Variants in DNM3 observed in about 807,000 individuals in gnomAD.
DNM3 encodes dynamin 3.
Under a neutral mutation model 101.6 loss-of-function variants are expected in DNM3, and 47 were observed. That is an observed-to-expected ratio of 0.46 (90% confidence interval 0.37 to 0.59). The LOEUF is 0.59. DNM3 is among the 20% of genes least tolerant of loss of function. The pLI, the probability that DNM3 is intolerant of heterozygous loss-of-function variation, is 0.00. For synonymous variants in DNM3, 385 were observed against 387.9 expected (o/e 0.99, Z 0.09); for missense variants, 849 against 1,085.7 (o/e 0.78, Z 3.06).
intron 14 of DNM3, among the ~76,000 whole-genome samples, chr1:172,219,377 C>CAAAAAAA (rs58783160): frequency 6.9e-4 from 39 of 56,264 alleles, no homozygotes; most frequent in South Asian, 1.9e-3. Context: ...TACCCTGTCT[C>CAAAAAAA]AAAAAAAAAA....
intron 16 of DNM3, among the ~76,000 whole-genome samples, chr1:172,320,988 C>A (rs1364908048): frequency 6.6e-6 from 1 of 152,104 alleles, no homozygotes; most frequent in East Asian, 1.9e-4. Context: ...GTGTATTTTT[C>A]TTAAGAGATT....
At chr1:172,113,341 C>G (rs932703819) in intron 13 of DNM3, among the ~76,000 whole-genome samples, 2 of 152,124 alleles carry the variant, frequency 1.3e-5, no homozygotes, top group African/African-American at 4.8e-5. Context: ...CTATTATTAG[C>G]TCTTTCTGCC....
chr1:172,066,992 G>A (rs575414617), intron 10 of DNM3, among the ~76,000 whole-genome samples: 229 of 151,796 alleles, frequency 1.5e-3, no homozygotes, highest in Middle Eastern at 3.4e-3. Flanking sequence ...GTGTGTGCGC[G>A]CGTGCAAGAC....
At position 171,921,905 on chromosome 1, in the gene DNM3, A is replaced by G. The variant is rs187202830; in HGVS notation, c.235+84A>G. 2.9e-4 allele frequency: 375 copies of G among 1,293,640 alleles called. 2 individuals carry two copies. In the East Asian group the frequency reaches 7.3e-3, roughly 25 times the overall value. The allele number at this position is 1,293,640 out of a possible 1,614,324, so 80.1% of individuals were successfully genotyped here. A position where few individuals can be genotyped will look rare whatever the true frequency, so the allele number is the denominator to read the frequency against. ...CATAGGTGTGGGATTGTACAAATAG[A>G]AACGTTTTTGTGATCGCCCCACTGT... On this transcript the variant is annotated intron_variant, in intron 2 of 20. Coordinates refer to ENST00000627582, the MANE Select transcript of DNM3 (RefSeq NM_015569.5).
intron 2 of DNM3, among the ~76,000 whole-genome samples, chr1:171,924,747 T>C (rs1389790281): frequency 6.6e-6 from 1 of 152,220 alleles, no homozygotes; most frequent in African/African-American, 2.4e-5. Context: ...AACATATCAA[T>C]AGCCATTCTG....
intron 11 of DNM3, among the ~76,000 whole-genome samples, chr1:172,078,539 G>A (rs571515403): frequency 5.2e-4 from 79 of 151,294 alleles, no homozygotes; most frequent in African/African-American, 1.7e-3. Context: ...TGGGTCTCCC[G>A]AATTACAGCA....
intron 16 of DNM3, among the ~76,000 whole-genome samples, chr1:172,313,767 CATTT>C (rs58904855): frequency 0.22 from 32,808 of 151,220 alleles, 3,895 homozygotes; most frequent in African/African-American, 0.31. Flanking sequence ...TGTCTCATAG[CATTT>C]ATTTATTTAT....
In DNM3 at chr1:172,038,320, A is replaced by T. The variant is rs2049116569; in HGVS notation, c.851A>T (p.Gln284Leu). ...TPHLQKVLNQ[Q>L]LTNHIRDTLP... ...TGTGTATCATTTTGTTTTGTTTAGC[A>T]ACTTACCAACCACATTCGGGATACC... The change falls in exon 7 of 21, where the codon CAA becomes CTA. Residue 284 changes from glutamine to leucine, a missense_variant and splice_region_variant. This residue lies in a region of DNM3 where 388 missense variants were observed against 483.0 expected (regional missense o/e 0.80). Coordinates refer to ENST00000627582, the MANE Select transcript of DNM3 (RefSeq NM_015569.5). The T allele has an allele frequency of 6.2e-7, 1 of 1,613,042 alleles. No individual in the cohort carries two copies. Among genetic ancestry groups the T allele is most frequent in the African/African-American group, 1.3e-5 (1 of 74,858 alleles).
chr1:172,164,059 A>G (rs1352075051), intron 14 of DNM3, among the ~76,000 whole-genome samples: 1 of 151,822 alleles, frequency 6.6e-6, no homozygotes, highest in Non-Finnish European at 1.5e-5. Flanking sequence ...TAATGCTGCA[A>G]TGAATGTGGG....
chr1:171,870,076 C>G (rs1023694072), intron 1 of DNM3, among the ~76,000 whole-genome samples: 1 of 152,160 alleles, frequency 6.6e-6, no homozygotes. Flanking sequence ...GAAGAACTAT[C>G]CTTGCTCAGG....
chr1:172,098,846 A>G (rs996828766), intron 13 of DNM3, among the ~76,000 whole-genome samples: 1 of 152,198 alleles, frequency 6.6e-6, no homozygotes, highest in Non-Finnish European at 1.5e-5. Flanking sequence ...GAATGTTTCA[A>G]GGAGGGAATA....
chr1:172,283,922 G>C (rs1283502382), intron 15 of DNM3, among the ~76,000 whole-genome samples: 2 of 152,040 alleles, frequency 1.3e-5, no homozygotes, highest in African/African-American at 4.8e-5. Flanking sequence ...TTTTATAAAA[G>C]GTTGCCTTTG....
chr1:171,891,495 A>T (rs1254675757), intron 1 of DNM3, among the ~76,000 whole-genome samples: 1 of 152,280 alleles, frequency 6.6e-6, no homozygotes, highest in East Asian at 1.9e-4. Context: ...TCCATATTTT[A>T]TTCAGATTTT....
At chr1:172,270,912 T>C (rs1014533831) in intron 15 of DNM3, among the ~76,000 whole-genome samples, 1 of 152,204 alleles carries the variant, frequency 6.6e-6, no homozygotes, top group Non-Finnish European at 1.5e-5. Flanking sequence ...CTGCCTTTGC[T>C]CTCAGTGTGT....
At chr1:172,390,523 T>G (rs2069464897) in intron 20 of DNM3, among the ~76,000 whole-genome samples, 1 of 152,122 alleles carries the variant, frequency 6.6e-6, no homozygotes, top group African/African-American at 2.4e-5. Flanking sequence ...CCCTCTACCC[T>G]CTAGATTTCA....
At chr1:172,125,493 A>G (rs1047006967) in intron 13 of DNM3, among the ~76,000 whole-genome samples, 5 of 152,222 alleles carry the variant, frequency 3.3e-5, no homozygotes, top group African/African-American at 4.8e-5. Flanking sequence ...GGAAACTAAC[A>G]GAACACATAT....
intron 13 of DNM3, among the ~76,000 whole-genome samples, chr1:172,123,507 A>G (rs2148027273): frequency 6.6e-6 from 1 of 152,300 alleles, no homozygotes; most frequent in Non-Finnish European, 1.5e-5. Flanking sequence ...TAAGTGTCTT[A>G]GGTGAGAGAG....
At chr1:172,111,626 T>G (rs2055486429) in intron 13 of DNM3, among the ~76,000 whole-genome samples, 1 of 152,212 alleles carries the variant, frequency 6.6e-6, no homozygotes, top group Non-Finnish European at 1.5e-5. Flanking sequence ...GTCTATGCTT[T>G]GAACGAATAA....
chr1:172,264,661 C>G (rs1483801058), intron 15 of DNM3, among the ~76,000 whole-genome samples: 1 of 152,170 alleles, frequency 6.6e-6, no homozygotes, highest in East Asian at 1.9e-4. Flanking sequence ...GATGCATTGA[C>G]TTGGAGCTAA....
Sources: allele counts gnomAD v4.1 joint callset (sites outside exome capture counted in the v4.1 genomes callset), GRCh38; gene constraint gnomAD v4.1.1; regional missense constraint gnomAD v4.1.1; transcripts MANE v1.5; gene names NCBI Gene and HGNC (gene_info 2026-07-23, HGNC 2026-07-21).